The following TESK2 variants were observed in gnomAD, a reference collection of about 807,000 sequenced individuals.
TESK2 encodes the protein dual specificity testis-specific protein kinase 2.
Under a neutral mutation model 57.1 loss-of-function variants are expected in TESK2, and 39 were observed. The observed-to-expected ratio is 0.68, with a 90% confidence interval of 0.53 to 0.89. The LOEUF (loss-of-function observed/expected upper bound fraction) is 0.89, where lower values mean the gene tolerates loss of function less well. Among genes scored for constraint, TESK2 ranks in the 40% least tolerant of loss-of-function variants. TESK2 has a pLI of 0.00. For missense variants in TESK2, 646 were observed against 732.1 expected, an observed-to-expected ratio of 0.88 and a Z score of 1.36; for synonymous variants, 249 against 267.9, an observed-to-expected ratio of 0.93 and a Z score of 0.69.
At chr1:45,439,108 A>C (rs748799359) in intron 2 of TESK2, among the ~76,000 whole-genome samples, 5 of 152,288 alleles carry the variant, frequency 3.3e-5, no homozygotes, top group Admixed American at 2.0e-4. Flanking sequence ...TTACCTATTC[A>C]AGCACAAAAA....
At chr1:45,385,293 C>T (rs897852510) in intron 4 of TESK2, 188 of 983,176 alleles carry the variant, frequency 1.9e-4, no homozygotes, top group South Asian at 8.9e-4. Flanking sequence ...TAACTTGGTA[C>T]CTGAATTGGC....
chr1:45,466,548 C>G (rs946726825), intron 1 of TESK2, among the ~76,000 whole-genome samples: 1 of 151,684 alleles, frequency 6.6e-6, no homozygotes, highest in Admixed American at 6.6e-5. Context: ...ACTCAGGAGG[C>G]TGAGGCAGAA....
At position 45,354,348 on chromosome 1, in the gene TESK2, G is replaced by A. The variant is rs114327698; in HGVS notation, c.540+955C>T. 2.2e-3 allele frequency among the ~76,000 whole-genome samples: 337 copies of A among 152,262 alleles called. 5 individuals carry two copies. The highest frequency in any genetic ancestry group is 7.8e-3 in the African/African-American group (324 of 41,560). ...CTGTTAAAAATACAAAAGAAAGGCT[G>A]GGTATGGTGGCTCATGCCTGTAATC... On this transcript the variant is annotated intron_variant, in intron 5 of 10. Coordinates refer to ENST00000372086, the MANE Select transcript of TESK2 (RefSeq NM_007170.3).
At chr1:45,378,854 C>T (rs560622234) in intron 4 of TESK2, among the ~76,000 whole-genome samples, 106 of 152,218 alleles carry the variant, frequency 7.0e-4, no homozygotes, top group African/African-American at 2.3e-3. Flanking sequence ...ACATCTTTGT[C>T]GTTTCCCCCT....
chr1:45,367,759 G>A (rs1647992987), intron 4 of TESK2, among the ~76,000 whole-genome samples: 1 of 141,780 alleles, frequency 7.1e-6, no homozygotes, highest in Admixed American at 7.4e-5. Context: ...CCAGGTTCAA[G>A]CAATTCTCCT....
chr1:45,363,847 G>A (rs1217291230), intron 4 of TESK2, among the ~76,000 whole-genome samples: 1 of 152,014 alleles, frequency 6.6e-6, no homozygotes, highest in Non-Finnish European at 1.5e-5. Context: ...GACTATAATA[G>A]TTGTAGAGCC....
chr1:45,455,846 GT>G (rs1220803749), intron 2 of TESK2, among the ~76,000 whole-genome samples: 1 of 151,980 alleles, frequency 6.6e-6, no homozygotes, highest in Non-Finnish European at 1.5e-5. Flanking sequence ...ACTCTATGGA[GT>G]TGTTTTGGTC....
chr1:45,386,472 G>A (rs936820849), intron 3 of TESK2, among the ~76,000 whole-genome samples: 12 of 151,682 alleles, frequency 7.9e-5, no homozygotes, highest in African/African-American at 2.9e-4. Context: ...GAAAGAACCT[G>A]TGAAGCCCCC....
chr1:45,384,614 T>TATTTTTA (rs1310871577), intron 4 of TESK2, among the ~76,000 whole-genome samples: 1 of 133,932 alleles, frequency 7.5e-6, no homozygotes, highest in African/African-American at 2.9e-5. Flanking sequence ...TTTTTTTTTT[T>TATTTTTA]TTTTTTTTTT....
At chr1:45,435,062 C>T (rs1651143116) in intron 2 of TESK2, among the ~76,000 whole-genome samples, 1 of 151,376 alleles carries the variant, frequency 6.6e-6, no homozygotes, top group Non-Finnish European at 1.5e-5. Flanking sequence ...CTCCTAGGCT[C>T]AAGAAATCCT....
chr1:45,453,185 A>T (rs1651938955), intron 2 of TESK2, among the ~76,000 whole-genome samples: 1 of 151,940 alleles, frequency 6.6e-6, no homozygotes, highest in Non-Finnish European at 1.5e-5. Flanking sequence ...CTCTACAAAA[A>T]AAAATACAAA....
chr1:45,378,458 T>C (rs1182994058), intron 4 of TESK2, among the ~76,000 whole-genome samples: 2 of 152,192 alleles, frequency 1.3e-5, no homozygotes, highest in Admixed American at 1.3e-4. Flanking sequence ...ATCACCATGC[T>C]GTGGGAAGCC....
At chr1:45,471,232 A>G (rs915100254) in intron 1 of TESK2, among the ~76,000 whole-genome samples, 1 of 152,028 alleles carries the variant, frequency 6.6e-6, no homozygotes, top group African/African-American at 2.4e-5. Context: ...CTCCGTCTCA[A>G]AAAAAAGAAG....
intron 2 of TESK2, among the ~76,000 whole-genome samples, chr1:45,449,191 G>A (rs1298323550): frequency 1.4e-5 from 2 of 146,490 alleles, no homozygotes; most frequent in African/African-American, 5.1e-5. Context: ...CACTGCACCC[G>A]AGCCTGGGTG....
chr1:45,476,754 G>C (rs1176679410), intron 1 of TESK2, among the ~76,000 whole-genome samples: 2 of 152,072 alleles, frequency 1.3e-5, no homozygotes, highest in Non-Finnish European at 2.9e-5. Context: ...AGCCGAGGCA[G>C]GAGAATTGCT....
chr1:45,370,952 T>C (rs996640509), intron 4 of TESK2, among the ~76,000 whole-genome samples: 2 of 151,858 alleles, frequency 1.3e-5, no homozygotes, highest in African/African-American at 4.8e-5. Flanking sequence ...TATAGACCAA[T>C]GTAATGGAAT....
At chr1:45,409,771 A>G (rs1423971104) in intron 3 of TESK2, among the ~76,000 whole-genome samples, 2 of 152,168 alleles carry the variant, frequency 1.3e-5, no homozygotes, top group Non-Finnish European at 2.9e-5. Flanking sequence ...CAAGTGATGG[A>G]TGAATGGTGG....
intron 5 of TESK2, among the ~76,000 whole-genome samples, chr1:45,353,849 A>C (rs1350647526): frequency 4.6e-5 from 7 of 152,212 alleles, no homozygotes; most frequent in Non-Finnish European, 7.3e-5. Context: ...TTCCTCTGAA[A>C]GCGACTCTTT....
At chr1:45,413,616 C>T (rs1027535435) in intron 3 of TESK2, among the ~76,000 whole-genome samples, 11 of 152,124 alleles carry the variant, frequency 7.2e-5, no homozygotes, top group African/African-American at 2.6e-4. Context: ...CTCTCTCTCT[C>T]TCTTTCTTTT....
Sources: gnomAD v4.1 joint callset for allele counts (sites outside exome capture counted in the v4.1 genomes callset) on GRCh38, gnomAD v4.1.1 for gene constraint, MANE v1.5 for transcripts, NCBI Gene and HGNC (gene_info 2026-07-23, HGNC 2026-07-21) for gene names.